The following PPP1R13B variants were observed in gnomAD, a reference collection of about 807,000 sequenced individuals.
The protein encoded by PPP1R13B is apoptosis-stimulating of p53 protein 1.
A neutral mutation model predicts 119.8 loss-of-function variants in PPP1R13B; 44 were observed. The observed-to-expected ratio is 0.37, with a 90% confidence interval of 0.29 to 0.47. The LOEUF is 0.47. PPP1R13B is among the 20% of genes least tolerant of loss of function. The pLI is 0.99. For missense variants in PPP1R13B, 1,227 were observed against 1,413.5 expected, an observed-to-expected ratio of 0.87 and a Z score of 2.12; for synonymous variants, 542 against 561.5, an observed-to-expected ratio of 0.97 and a Z score of 0.49.
chr14:103,747,186 C>G (rs1213601092), intron 8 of PPP1R13B: 1 of 152,238 alleles, frequency 6.6e-6, no homozygotes, highest in Non-Finnish European at 1.5e-5. Flanking sequence ...TTCTAGAGAA[C>G]TACTGACGTC....
rs1422091974 is a variant in PPP1R13B, at chr14:103,733,800, T to C, written c.*1354A>G. 1 of 152,300 alleles carries C rather than the reference T, an allele frequency of 6.6e-6. No homozygotes were observed. Among genetic ancestry groups the C allele is most frequent in the Non-Finnish European group, 1.5e-5 (1 of 68,132 alleles). The allele number at this position is 152,300 out of a possible 1,614,324, so 9.4% of individuals were successfully genotyped here. A position where few individuals can be genotyped will look rare whatever the true frequency, so the allele number is the denominator to read the frequency against. ...GCACATTTACACAGCGTCAGCAGCG[T>C]CTGGGCTGGCAGCGGCCATGCTCCT... On this transcript the variant is annotated 3_prime_UTR_variant, in exon 17 of 17. Transcript: ENST00000202556.
At chr14:103,757,968 T>C (rs1455406091) in intron 4 of PPP1R13B, among the ~76,000 whole-genome samples, 2 of 152,188 alleles carry the variant, frequency 1.3e-5, no homozygotes, top group African/African-American at 4.8e-5. Context: ...AGATACCGTA[T>C]TTAGTAAGGG....
intron 1 of PPP1R13B, among the ~76,000 whole-genome samples, chr14:103,845,473 T>G (rs2087007755): frequency 1.3e-5 from 2 of 152,200 alleles, no homozygotes; most frequent in Admixed American, 6.5e-5. Flanking sequence ...AGACCTGTTT[T>G]TTTAAAAAAC....
chr14:103,774,714 C>CTTA (rs1211163410), intron 4 of PPP1R13B, among the ~76,000 whole-genome samples: 3 of 152,140 alleles, frequency 2.0e-5, no homozygotes, highest in Non-Finnish European at 2.9e-5. Flanking sequence ...AGTTAGAAGG[C>CTTA]TTATTAGCAT....
chr14:103,801,253 G>A (rs2085894257), intron 1 of PPP1R13B, among the ~76,000 whole-genome samples: 1 of 152,096 alleles, frequency 6.6e-6, no homozygotes, highest in Non-Finnish European at 1.5e-5. Flanking sequence ...ACCTTCGCTG[G>A]TATATAAGCA....
upstream of PPP1R13B, chr14:103,847,580 C>T: frequency 1.0e-6 from 1 of 985,856 alleles, no homozygotes; most frequent in Non-Finnish European, 1.2e-6. Flanking sequence ...CAGCCTGCGG[C>T]CCGCCCGCCC....
intron 1 of PPP1R13B, among the ~76,000 whole-genome samples, chr14:103,807,651 C>T (rs765350612): frequency 5.9e-5 from 9 of 152,026 alleles, no homozygotes; most frequent in Admixed American, 1.3e-4. Flanking sequence ...CCTGCCACCA[C>T]GCCCGGCTAA....
intron 1 of PPP1R13B, among the ~76,000 whole-genome samples, chr14:103,844,610 T>C (rs2086985715): frequency 6.6e-6 from 1 of 151,970 alleles, no homozygotes. Context: ...GTGCCTGTAA[T>C]CCCAGCTACT....
At chr14:103,737,915 G>A (rs974488075) in intron 14 of PPP1R13B, 55 bp from the exon 15 acceptor site, 30 of 1,538,698 alleles carry the variant, frequency 1.9e-5, no homozygotes, top group Admixed American at 3.9e-5. Context: ...CCTGTAGGAC[G>A]TGGCCCTCAG....
At chr14:103,844,887 T>G in intron 1 of PPP1R13B, among the ~76,000 whole-genome samples, 1 of 152,206 alleles carries the variant, frequency 6.6e-6, no homozygotes, top group African/African-American at 2.4e-5. Flanking sequence ...CTGAGGTGTG[T>G]GCTGTAAAAT....
At chr14:103,761,800 A>C (rs796896285) in intron 4 of PPP1R13B, among the ~76,000 whole-genome samples, 1 of 152,282 alleles carries the variant, frequency 6.6e-6, no homozygotes, top group African/African-American at 2.4e-5. Context: ...AAGAAACACT[A>C]AATAATGCTC....
intron 1 of PPP1R13B, among the ~76,000 whole-genome samples, chr14:103,836,434 A>AT (rs1255950862): frequency 6.6e-6 from 1 of 152,052 alleles, no homozygotes; most frequent in Non-Finnish European, 1.5e-5. Flanking sequence ...TATTAAACCC[A>AT]TTTTTACAAA....
At chr14:103,784,120 G>T (rs976804600) in intron 3 of PPP1R13B, among the ~76,000 whole-genome samples, 1 of 152,112 alleles carries the variant, frequency 6.6e-6, no homozygotes, top group Non-Finnish European at 1.5e-5. Flanking sequence ...AGGTTGCAGT[G>T]AGCTGAGATT....
intron 1 of PPP1R13B, among the ~76,000 whole-genome samples, chr14:103,807,880 G>C (rs1172255110): frequency 6.6e-6 from 1 of 152,054 alleles, no homozygotes; most frequent in African/African-American, 2.4e-5. Context: ...CTGTAGAAAA[G>C]ACAATATTTT....
intron 2 of PPP1R13B, among the ~76,000 whole-genome samples, chr14:103,785,476 C>G (rs1397417640): frequency 6.6e-6 from 1 of 151,346 alleles, no homozygotes; most frequent in South Asian, 2.1e-4. Flanking sequence ...CCTTGGCCTC[C>G]TAAAGTGCTG....
intron 4 of PPP1R13B, among the ~76,000 whole-genome samples, chr14:103,761,869 A>C (rs1446214209): frequency 6.6e-6 from 1 of 152,254 alleles, no homozygotes; most frequent in African/African-American, 2.4e-5. Flanking sequence ...TAATTTAGTC[A>C]ACCCAATTGT....
At chr14:103,737,299 C>G (rs2084137620) in intron 15 of PPP1R13B, 1 of 162,060 alleles carries the variant, frequency 6.2e-6, no homozygotes, top group African/African-American at 2.4e-5. Context: ...CACGGTGGCT[C>G]ACACCTGTGA....
At chr14:103,782,298 T>C (rs1006139099) in intron 3 of PPP1R13B, among the ~76,000 whole-genome samples, 3 of 152,234 alleles carry the variant, frequency 2.0e-5, no homozygotes, top group African/African-American at 7.2e-5. Flanking sequence ...GTTTAGGAGA[T>C]GGTCTGGGTC....
chr14:103,792,744 A>G (rs1354332313), intron 2 of PPP1R13B, among the ~76,000 whole-genome samples: 1 of 151,742 alleles, frequency 6.6e-6, no homozygotes, highest in East Asian at 2.0e-4. Context: ...CTTCACTCCA[A>G]CCTGGGCAAC....
Sources: gnomAD v4.1 joint callset for allele counts (sites outside exome capture counted in the v4.1 genomes callset) on GRCh38, gnomAD v4.1.1 for gene constraint, MANE v1.5 for transcripts, NCBI Gene and HGNC (gene_info 2026-07-23, HGNC 2026-07-21) for gene names.